Variants in MALRD1 observed in about 807,000 individuals in gnomAD.
MALRD1 encodes MAM and LDL-receptor class A domain-containing protein 1.
MALRD1 carries 247 observed loss-of-function variants against 242.1 expected under a neutral mutation model. That is an observed-to-expected ratio of 1.02 (90% confidence interval 0.92 to 1.13). MALRD1 has a LOEUF of 1.13. Ranked by LOEUF, MALRD1 falls within the 50% of genes most tolerant of loss-of-function variation. MALRD1 has a pLI of 0.00. For missense variants in MALRD1, 2,989 were observed against 2,533.1 expected (o/e 1.18, Z -3.86); for synonymous variants, 995 against 866.6 (o/e 1.15, Z -2.60).
intron 36 of MALRD1, among the ~76,000 whole-genome samples, chr10:19,667,154 G>A (rs1447902957): frequency 6.6e-6 from 1 of 152,050 alleles, no homozygotes; most frequent in South Asian, 2.1e-4. Context: ...TAGAAAAATT[G>A]TGCCAAAAAC....
intron 26 of MALRD1, among the ~76,000 whole-genome samples, chr10:19,375,532 T>A (rs1845558619): frequency 1.3e-5 from 2 of 152,130 alleles, no homozygotes; most frequent in African/African-American, 4.8e-5. Flanking sequence ...AGGACACACA[T>A]CCTCACCATA....
chr10:19,414,776 T>C (rs1833440143), intron 28 of MALRD1, among the ~76,000 whole-genome samples: 1 of 152,058 alleles, frequency 6.6e-6, no homozygotes, highest in South Asian at 2.1e-4. Context: ...CTCTACAGGC[T>C]AGAAATTTCC....
At chr10:19,656,389 A>G (rs1380737022) in intron 36 of MALRD1, among the ~76,000 whole-genome samples, 1 of 152,170 alleles carries the variant, frequency 6.6e-6, no homozygotes, top group Non-Finnish European at 1.5e-5. Context: ...TTTTGTGAGA[A>G]CAATAATCAG....
chr10:19,082,103 A>G (rs757426982), intron 2 of MALRD1, among the ~76,000 whole-genome samples: 3 of 151,532 alleles, frequency 2.0e-5, no homozygotes, highest in Non-Finnish European at 4.4e-5. Context: ...CTATTCCTCC[A>G]TTACTACCTT....
intron 31 of MALRD1, among the ~76,000 whole-genome samples, chr10:19,503,191 A>C (rs1187443307): frequency 6.6e-6 from 1 of 152,224 alleles, no homozygotes; most frequent in East Asian, 1.9e-4. Context: ...CGGCTGAGTG[A>C]GACTATTTAG....
intron 39 of MALRD1, among the ~76,000 whole-genome samples, chr10:19,732,211 A>G (rs997746990): frequency 1.3e-5 from 2 of 152,240 alleles, no homozygotes; most frequent in African/African-American, 4.8e-5. Context: ...TTGACAAAAT[A>G]GGATGGTGTA....
intron 36 of MALRD1, among the ~76,000 whole-genome samples, chr10:19,628,037 G>A (rs1297050937): frequency 2.6e-5 from 4 of 151,922 alleles, no homozygotes; most frequent in African/African-American, 9.7e-5. Flanking sequence ...AACACACATT[G>A]CACTAATGCA....
chr10:19,699,903 C>T (rs1240648890), intron 38 of MALRD1, among the ~76,000 whole-genome samples: 1 of 152,056 alleles, frequency 6.6e-6, no homozygotes, highest in Non-Finnish European at 1.5e-5. Context: ...CCACCTCCAA[C>T]ACTGGGGATT....
At chr10:19,711,754 C>T (rs1834130323) in intron 38 of MALRD1, among the ~76,000 whole-genome samples, 1 of 152,170 alleles carries the variant, frequency 6.6e-6, no homozygotes, top group South Asian at 2.1e-4. Flanking sequence ...CTGCTTGCCA[C>T]ACAGAAAGCC....
At chr10:19,164,457 A>G (rs1834581390) in intron 12 of MALRD1, among the ~76,000 whole-genome samples, 1 of 152,174 alleles carries the variant, frequency 6.6e-6, no homozygotes, top group Non-Finnish European at 1.5e-5. Flanking sequence ...TGAACCTGAA[A>G]AAATGTCACT....
At chr10:19,156,843 G>A (rs1221238367) in intron 12 of MALRD1, among the ~76,000 whole-genome samples, 1 of 152,014 alleles carries the variant, frequency 6.6e-6, no homozygotes, top group East Asian at 1.9e-4. Context: ...GCTTAAATTG[G>A]TAACTTAGTT....
intron 18 of MALRD1, among the ~76,000 whole-genome samples, chr10:19,211,674 T>C (rs1178968566): frequency 1.3e-5 from 1 of 75,974 alleles, no homozygotes; most frequent in Non-Finnish European, 2.3e-5. Flanking sequence ...CAACAAAGCA[T>C]GACTCCTCAC....
intron 31 of MALRD1, among the ~76,000 whole-genome samples, chr10:19,517,338 TC>T (rs1833681330): frequency 6.6e-6 from 1 of 152,154 alleles, no homozygotes; most frequent in Admixed American, 6.5e-5. Context: ...CAATTTCTTT[TC>T]CAATAGCCTG....
chr10:19,319,654 C>A (rs1842837955), intron 21 of MALRD1, among the ~76,000 whole-genome samples: 1 of 152,004 alleles, frequency 6.6e-6, no homozygotes, highest in Non-Finnish European at 1.5e-5. Context: ...TGGTGAGGGC[C>A]TATTTCCTCC....
At chr10:19,382,864 T>C (rs2130790782) in intron 26 of MALRD1, among the ~76,000 whole-genome samples, 1 of 152,324 alleles carries the variant, frequency 6.6e-6, no homozygotes, top group African/African-American at 2.4e-5. Flanking sequence ...ACTCAGTGTT[T>C]CTGCAAATGT....
At chr10:19,670,326 C>T (rs79498391) in intron 36 of MALRD1, among the ~76,000 whole-genome samples, 2,465 of 152,240 alleles carry the variant, frequency 0.016, 62 homozygotes, top group African/African-American at 0.056. Context: ...TCAGCAAACC[C>T]ATCAGCCAGC....
intron 33 of MALRD1, among the ~76,000 whole-genome samples, chr10:19,590,039 G>A (rs780376441): frequency 2.6e-5 from 4 of 152,050 alleles, no homozygotes; most frequent in African/African-American, 7.2e-5. Context: ...GTTTTAAGCA[G>A]CCTGACCAAG....
intron 28 of MALRD1, among the ~76,000 whole-genome samples, chr10:19,448,742 A>G (rs1366696732): frequency 1.3e-5 from 2 of 152,016 alleles, no homozygotes; most frequent in Non-Finnish European, 2.9e-5. Context: ...TATCTTTTCA[A>G]TTAAAAAATT....
intron 26 of MALRD1, among the ~76,000 whole-genome samples, chr10:19,369,611 A>G (rs1019287624): frequency 2.8e-5 from 4 of 141,926 alleles, no homozygotes; most frequent in Non-Finnish European, 6.1e-5. Flanking sequence ...GCATAAATAT[A>G]TTTAAATATA....
Sources: allele counts gnomAD v4.1 joint callset (sites outside exome capture counted in the v4.1 genomes callset), GRCh38; gene constraint gnomAD v4.1.1; transcripts MANE v1.5; gene names NCBI Gene and HGNC (gene_info 2026-07-23, HGNC 2026-07-21).